The following MIPEP variants were observed in gnomAD, a reference collection of about 807,000 sequenced individuals.
MIPEP encodes mitochondrial intermediate peptidase.
MIPEP carries 79 observed loss-of-function variants against 90.3 expected under a neutral mutation model. The observed-to-expected ratio is 0.87, with a 90% confidence interval of 0.73 to 1.05. The LOEUF (loss-of-function observed/expected upper bound fraction) is 1.05. MIPEP is among the 50% of genes least tolerant of loss of function. The pLI is 0.00. For missense variants in MIPEP, 940 were observed against 905.6 expected (o/e 1.04, Z -0.49); for synonymous variants, 334 against 315.8 (o/e 1.06, Z -0.61).
At position 23,855,460 on chromosome 13, in the gene MIPEP, G is replaced by C. The variant is rs1166832243; in HGVS notation, c.1106+3400C>G. On this transcript the variant is annotated intron_variant, in intron 10 of 18. Coordinates refer to ENST00000382172, the MANE Select transcript of MIPEP (RefSeq NM_005932.4). ...TGAGGTTAACTTGAAAAAAAGGCTC[G>C]AATCAAGGAAAGCCCCTTCTATATT... is the stretch of plus-strand genomic sequence containing the variant. Among the ~76,000 whole-genome samples the C allele has an allele frequency of 3.9e-5, 6 of 152,020 alleles. No individual in the cohort carries two copies. In the East Asian group the frequency reaches 1.2e-3, roughly 29 times the overall value.
intron 16 of MIPEP, among the ~76,000 whole-genome samples, chr13:23,772,339 G>A (rs1169589668): frequency 1.3e-5 from 2 of 151,862 alleles, no homozygotes; most frequent in African/African-American, 4.8e-5. Flanking sequence ...CAAAAAAAAC[G>A]GCTACAGTTG....
intron 2 of MIPEP, among the ~76,000 whole-genome samples, chr13:23,883,818 C>T (rs150395126): frequency 1.9e-4 from 29 of 152,232 alleles, no homozygotes; most frequent in African/African-American, 6.5e-4. Flanking sequence ...GGTATGAAAC[C>T]TCCTTTTGGC....
chr13:23,759,958 T>TG, intron 17 of MIPEP, 138 bp downstream of exon 17: 2 of 1,064,372 alleles, frequency 1.9e-6, no homozygotes, highest in Admixed American at 2.1e-5. Flanking sequence ...GGGGCGAGGC[T>TG]GTGTGGGGAG....
In MIPEP at chr13:23,841,312, C is replaced by T. The variant is rs141301058; in HGVS notation, c.1260+23G>A. On this transcript the variant is annotated intron_variant, in intron 11 of 18. Transcript: ENST00000382172. The stretch of plus-strand genomic sequence containing the variant: ...ACCGAAAGGTAAATGCCTGCAACTG[C>T]AGGCTGAGCAGGAGGAGCTCACCAG... 1.3e-4 allele frequency: 209 copies of T among 1,591,442 alleles called. No homozygotes were observed. The East Asian group carries it at 2.5e-3, about 19-fold the overall frequency.
chr13:23,744,648 T>G (rs1952365447), intron 18 of MIPEP, among the ~76,000 whole-genome samples: 1 of 152,272 alleles, frequency 6.6e-6, no homozygotes, highest in African/African-American at 2.4e-5. Context: ...TTAGCTGTAC[T>G]TAGTGTTATT....
intron 9 of MIPEP, 60 bp downstream of exon 9, chr13:23,862,242 G>C (rs919851915): frequency 9.8e-6 from 10 of 1,016,308 alleles, no homozygotes; most frequent in Admixed American, 8.8e-5. Context: ...TGAATCAAAA[G>C]ATATTGATTT....
At position 23,862,324 on chromosome 13, in the gene MIPEP, A is replaced by T; in HGVS notation, c.1031T>A (p.Met344Lys). Residue 344 changes from methionine (M) to lysine (K), a missense_variant, in exon 9 of 19, where the codon ATG becomes AAG. Physicochemically the swap from Met to Lys is moderately conservative, Grantham distance 95. Coordinates refer to ENST00000382172, the MANE Select transcript of MIPEP (RefSeq NM_005932.4). ...TACGGAATTTTGAGGATTCAGTTTCATTTTCATCCCTCGTATCATCTCAAA... is the reference window on the plus strand; with the variant it reads ...TACGGAATTTTGAGGATTCAGTTTCTTTTTCATCCCTCGTATCATCTCAAA... ...KDFEMIRGMK[M>K]KLNPQNSEVM... The T allele has an allele frequency of 5.1e-6, 8 of 1,582,600 alleles. No homozygotes were observed. Among genetic ancestry groups the T allele is most frequent in the Non-Finnish European group, 6.9e-6 (8 of 1,157,496 alleles).
intron 16 of MIPEP, among the ~76,000 whole-genome samples, chr13:23,793,039 A>C (rs1411012097): frequency 6.6e-6 from 1 of 152,210 alleles, no homozygotes; most frequent in Non-Finnish European, 1.5e-5. Context: ...CACTTTGAAA[A>C]ACTGGCGATA....
chr13:23,816,206 C>G (rs1953235097), intron 14 of MIPEP, among the ~76,000 whole-genome samples: 1 of 152,164 alleles, frequency 6.6e-6, no homozygotes, highest in Non-Finnish European at 1.5e-5. Flanking sequence ...TTATTTTTGG[C>G]AAATTCTCAG....
At chr13:23,790,182 C>T (rs1364336101) in intron 16 of MIPEP, among the ~76,000 whole-genome samples, 1 of 152,178 alleles carries the variant, frequency 6.6e-6, no homozygotes, top group Non-Finnish European at 1.5e-5. Context: ...CTTCAGAACA[C>T]TCCAACTCTG....
At chr13:23,856,364 A>G (rs1445257360) in intron 10 of MIPEP, among the ~76,000 whole-genome samples, 1 of 152,218 alleles carries the variant, frequency 6.6e-6, no homozygotes, top group African/African-American at 2.4e-5. Context: ...TGGAAGAAAA[A>G]TCAGAACAAA....
intron 10 of MIPEP, among the ~76,000 whole-genome samples, chr13:23,849,285 C>T (rs1869695753): frequency 6.6e-6 from 1 of 152,360 alleles, no homozygotes; most frequent in Admixed American, 6.5e-5. Flanking sequence ...CATATAGGAC[C>T]TCACAGCACA....
intron 16 of MIPEP, among the ~76,000 whole-genome samples, chr13:23,798,999 G>T (rs9580756): frequency 1.5e-4 from 17 of 115,526 alleles, no homozygotes; most frequent in Admixed American, 2.9e-4. Context: ...TAATTTTTTT[G>T]GTTTTTTTTT....
In MIPEP at chr13:23,869,463, T is replaced by C; in HGVS notation, c.787-15A>G. 1 of 1,593,294 alleles carries C rather than the reference T, an allele frequency of 6.3e-7. No homozygotes were observed. The highest frequency in any genetic ancestry group is 1.2e-5 in the South Asian group (1 of 86,654). On this transcript the variant is annotated splice_polypyrimidine_tract_variant and intron_variant, in intron 6 of 18. Coordinates refer to ENST00000382172, the MANE Select transcript of MIPEP (RefSeq NM_005932.4). ...GCTTCTCGCACCTACGTTTAAAAAG[T>C]AAATGGTGAAGGCTATAAATATCAT...
chr13:23,761,221 G>A (rs549032800), intron 16 of MIPEP, among the ~76,000 whole-genome samples: 4 of 151,560 alleles, frequency 2.6e-5, no homozygotes, highest in African/African-American at 9.7e-5. Context: ...ACAAACTGTT[G>A]TCCCTCCTTC....
At chr13:23,760,009 G>T in intron 17 of MIPEP, 87 bp downstream of exon 17, 1 of 1,532,446 alleles carries the variant, frequency 6.5e-7, no homozygotes, top group Non-Finnish European at 9.0e-7. Context: ...TATGTGGGCT[G>T]CAGTTCTCGA....
chr13:23,746,241 G>A (rs60341732), intron 18 of MIPEP, among the ~76,000 whole-genome samples: 9 of 150,940 alleles, frequency 6.0e-5, no homozygotes, highest in African/African-American at 1.9e-4. Context: ...CTTGAACTCC[G>A]GACCTCAGGT....
At chr13:23,877,297 G>A (rs1025841112) in intron 4 of MIPEP, among the ~76,000 whole-genome samples, 5 of 152,086 alleles carry the variant, frequency 3.3e-5, no homozygotes, top group South Asian at 2.1e-4. Context: ...TCTCCATTTC[G>A]GTCGCTTGCA....
intron 15 of MIPEP, 80 bp from the exon 16 acceptor site, chr13:23,806,149 G>C (rs1953104565): frequency 7.0e-7 from 1 of 1,425,332 alleles, no homozygotes; most frequent in Non-Finnish European, 9.8e-7. Flanking sequence ...TGCTATAAGT[G>C]CACCAGAACA....
Sources: allele counts gnomAD v4.1 joint callset (sites outside exome capture counted in the v4.1 genomes callset), GRCh38; gene constraint gnomAD v4.1.1; transcripts MANE v1.5; gene names NCBI Gene and HGNC (gene_info 2026-07-23, HGNC 2026-07-21).